The following THSD7B variants were observed in gnomAD, a reference collection of about 807,000 sequenced individuals.
THSD7B encodes thrombospondin type 1 domain containing 7B, also known as thrombospondin type-1 domain-containing protein 7B.
In THSD7B, 138 loss-of-function variants were observed where a neutral mutation model predicts 213.6. The observed-to-expected ratio is 0.65, with a 90% CI of 0.56 to 0.74. The LOEUF (loss-of-function observed/expected upper bound fraction) is 0.74, where lower values mean the gene tolerates loss of function less well. Among genes scored for constraint, THSD7B ranks in the 30% least tolerant of loss-of-function variants. The pLI, the probability that THSD7B is intolerant of heterozygous loss-of-function variation, is 0.00. For missense variants in THSD7B, 1,931 were observed against 1,991.5 expected, an observed-to-expected ratio of 0.97 and a Z score of 0.58; for synonymous variants, 742 against 687.0, an observed-to-expected ratio of 1.08 and a Z score of -1.25.
intron 1 of THSD7B, among the ~76,000 whole-genome samples, chr2:136,786,315 T>A (rs978597447): frequency 1.3e-5 from 2 of 152,198 alleles, no homozygotes; most frequent in Non-Finnish European, 2.9e-5. Context: ...ATATTCACAT[T>A]TCACATTTTC....
At chr2:137,141,313 CT>C (rs1453325583) in intron 5 of THSD7B, among the ~76,000 whole-genome samples, 2 of 152,110 alleles carry the variant, frequency 1.3e-5, no homozygotes, top group Admixed American at 1.3e-4. Flanking sequence ...AAGGATACAT[CT>C]TCTGTAGAGA....
At chr2:137,168,556 G>A (rs12997500) in intron 6 of THSD7B, among the ~76,000 whole-genome samples, 1 of 152,132 alleles carries the variant, frequency 6.6e-6, no homozygotes, top group African/African-American at 2.4e-5. Flanking sequence ...ACTGAGGAGA[G>A]GTAATCTATA....
intron 2 of THSD7B, among the ~76,000 whole-genome samples, chr2:136,947,611 G>C (rs1304908663): frequency 1.3e-5 from 2 of 152,212 alleles, no homozygotes; most frequent in African/African-American, 4.8e-5. Flanking sequence ...CTCTTCCTCT[G>C]TCTTGCCCCT....
chr2:137,601,494 T>C (rs1469961627), intron 17 of THSD7B, among the ~76,000 whole-genome samples: 3 of 152,222 alleles, frequency 2.0e-5, no homozygotes, highest in African/African-American at 2.4e-5. Context: ...CTAGGAGTAA[T>C]ACACTATCCC....
chr2:136,948,716 A>G (rs1324131895), intron 2 of THSD7B, among the ~76,000 whole-genome samples: 1 of 152,192 alleles, frequency 6.6e-6, no homozygotes, highest in Non-Finnish European at 1.5e-5. Flanking sequence ...CACTTACTCT[A>G]TGTCATGCAC....
At chr2:137,223,263 G>T (rs149118730) in intron 7 of THSD7B, among the ~76,000 whole-genome samples, 2 of 152,158 alleles carry the variant, frequency 1.3e-5, no homozygotes, top group Non-Finnish European at 2.9e-5. Context: ...CTAGAAATTC[G>T]CAGTGGCTGC....
chr2:137,183,435 T>G (rs13011131), intron 7 of THSD7B, among the ~76,000 whole-genome samples: 6,910 of 152,236 alleles, frequency 0.045, 199 homozygotes, highest in Admixed American at 0.069. Flanking sequence ...AAGAGTGGAG[T>G]GTCTGGTAAT....
At chr2:137,313,538 A>C (rs928242282) in intron 12 of THSD7B, among the ~76,000 whole-genome samples, 9 of 150,282 alleles carry the variant, frequency 6.0e-5, no homozygotes, top group Admixed American at 6.0e-4. Context: ...TGTGAATTTG[A>C]TCCTGTCATT....
intron 15 of THSD7B, among the ~76,000 whole-genome samples, chr2:137,546,422 TA>T (rs1253292860): frequency 2.7e-5 from 1 of 36,522 alleles, no homozygotes; most frequent in Non-Finnish European, 4.2e-5. Context: ...ATATTATATA[TA>T]TTATATATAT....
At chr2:137,421,216 C>G (rs1176059656) in intron 14 of THSD7B, among the ~76,000 whole-genome samples, 1 of 152,108 alleles carries the variant, frequency 6.6e-6, no homozygotes, top group African/African-American at 2.4e-5. Context: ...GGAGTTTTTC[C>G]CCCACACACC....
Position 137,572,585 on chromosome 2 carries a change from G to T in THSD7B, c.3423+29G>T. On this transcript the variant is annotated intron_variant, in intron 17 of 27. Transcript: ENST00000409968. ...ATTTCTCTTTCTTTGTCAATGCTCT[G>T]ATAATCTATTGTTGCCTTCACTGTT... 1.9e-6 allele frequency: 3 copies of T among 1,612,122 alleles called. No individual in the cohort carries two copies. The East Asian group carries it at 6.7e-5, about 36-fold the overall frequency.
chr2:137,602,357 C>T (rs1243106734), intron 17 of THSD7B, among the ~76,000 whole-genome samples: 1 of 152,018 alleles, frequency 6.6e-6, no homozygotes, highest in Admixed American at 6.6e-5. Context: ...GAAACCTCCG[C>T]CTCCCAGATT....
intron 17 of THSD7B, among the ~76,000 whole-genome samples, chr2:137,605,803 G>C (rs1381374784): frequency 6.6e-6 from 1 of 151,702 alleles, no homozygotes; most frequent in African/African-American, 2.4e-5. Flanking sequence ...TGAGTAGCTG[G>C]GGTTACAGGC....
chr2:137,272,693 G>T, intron 11 of THSD7B, 31 bp downstream of exon 11: 2 of 1,602,070 alleles, frequency 1.2e-6, no homozygotes, highest in South Asian at 2.2e-5. Context: ...ATTATCGTTA[G>T]ACCTACTGTA....
intron 5 of THSD7B, among the ~76,000 whole-genome samples, chr2:137,120,958 A>G (rs1436343671): frequency 1.3e-5 from 2 of 152,222 alleles, no homozygotes; most frequent in East Asian, 3.8e-4. Flanking sequence ...TAAAAATATA[A>G]TGCTGGGAAG....
intron 1 of THSD7B, among the ~76,000 whole-genome samples, chr2:136,850,585 G>A (rs1683082670): frequency 6.6e-6 from 1 of 151,468 alleles, no homozygotes; most frequent in Non-Finnish European, 1.5e-5. Flanking sequence ...TTTTTTTCAG[G>A]CTGAAAGTGT....
chr2:137,642,239 G>C (rs891299227), intron 20 of THSD7B: 1 of 401,108 alleles, frequency 2.5e-6, no homozygotes, highest in Non-Finnish European at 4.5e-6. Flanking sequence ...GGCAACAATA[G>C]AACGTTTGTA....
At chr2:137,069,836 C>T (rs1687447369) in intron 3 of THSD7B, among the ~76,000 whole-genome samples, 1 of 150,548 alleles carries the variant, frequency 6.6e-6, no homozygotes, top group African/African-American at 2.4e-5. Context: ...CTACTGTAAA[C>T]ATATATTACA....
chr2:137,527,337 T>TA (rs1680298397), intron 15 of THSD7B, among the ~76,000 whole-genome samples: 2 of 152,062 alleles, frequency 1.3e-5, no homozygotes, highest in South Asian at 4.1e-4. Flanking sequence ...AAAAACCATC[T>TA]AAAAACAGAT....
Sources: gnomAD v4.1 joint callset for allele counts (sites outside exome capture counted in the v4.1 genomes callset) on GRCh38, gnomAD v4.1.1 for gene constraint, MANE v1.5 for transcripts, NCBI Gene and HGNC (gene_info 2026-07-23, HGNC 2026-07-21) for gene names.